PLEKHA5: variants seen among roughly 807,000 people sequenced by gnomAD.
PLEKHA5 encodes pleckstrin homology domain-containing family A member 5.
PLEKHA5 carries 55 observed loss-of-function variants against 181.9 expected under a neutral mutation model. The ratio of observed to expected loss-of-function variants is 0.30; its 90% CI spans 0.24 to 0.38. PLEKHA5 has a LOEUF of 0.38. PLEKHA5 is among the 10% of genes least tolerant of loss of function. PLEKHA5 has a pLI of 1.00. For missense variants in PLEKHA5, 1,432 were observed against 1,549.5 expected, an observed-to-expected ratio of 0.92 and a Z score of 1.27; for synonymous variants, 535 against 529.4, an observed-to-expected ratio of 1.01 and a Z score of -0.15.
At chr12:19,284,944 A>ATT (rs1251606367) in intron 12 of PLEKHA5, among the ~76,000 whole-genome samples, 1 of 152,172 alleles carries the variant, frequency 6.6e-6, no homozygotes, top group Non-Finnish European at 1.5e-5. Context: ...AAAAATAGTA[A>ATT]TAATAAGTTA....
At chr12:19,157,867 A>G (rs1255846335) in intron 3 of PLEKHA5, among the ~76,000 whole-genome samples, 1 of 152,210 alleles carries the variant, frequency 6.6e-6, no homozygotes, top group African/African-American at 2.4e-5. Context: ...ATTATTAAAA[A>G]TTCACCAGAT....
intron 3 of PLEKHA5, among the ~76,000 whole-genome samples, chr12:19,145,719 C>G (rs1398256095): frequency 6.6e-6 from 1 of 151,538 alleles, no homozygotes; most frequent in Non-Finnish European, 1.5e-5. Flanking sequence ...TGATAGTGAA[C>G]CAATTTAAAC....
chr12:19,309,677 G>T (rs1051270891), intron 15 of PLEKHA5, among the ~76,000 whole-genome samples: 24 of 151,954 alleles, frequency 1.6e-4, no homozygotes, highest in African/African-American at 5.8e-4. Flanking sequence ...CCCGGGAGGT[G>T]GAGGTTGCAG....
chr12:19,369,593 A>C, intron 30 of PLEKHA5, 100 bp from the exon 31 acceptor site: 1 of 645,360 alleles, frequency 1.5e-6, no homozygotes, highest in Non-Finnish European at 2.7e-6. Context: ...TTCCTTCTCA[A>C]AACATGTTCT....
chr12:19,164,227 C>G (rs1333089579), intron 3 of PLEKHA5, among the ~76,000 whole-genome samples: 1 of 117,598 alleles, frequency 8.5e-6, no homozygotes, highest in Non-Finnish European at 1.6e-5. Flanking sequence ...GAGATGGAGT[C>G]TCTCTCTGTT....
chr12:19,202,564 C>T (rs1296723590), intron 3 of PLEKHA5, among the ~76,000 whole-genome samples: 1 of 150,012 alleles, frequency 6.7e-6, no homozygotes, highest in African/African-American at 2.5e-5. Flanking sequence ...AATGGTTCTG[C>T]TATAACCCAA....
chr12:19,198,434 C>A (rs111315403), intron 3 of PLEKHA5, among the ~76,000 whole-genome samples: 2 of 152,282 alleles, frequency 1.3e-5, no homozygotes, highest in African/African-American at 4.8e-5. Flanking sequence ...TGTTGGCCCT[C>A]GGGGCTTTTC....
At chr12:19,266,199 G>T (rs917431904) in intron 8 of PLEKHA5, among the ~76,000 whole-genome samples, 1 of 152,040 alleles carries the variant, frequency 6.6e-6, no homozygotes, top group African/African-American at 2.4e-5. Context: ...TAAATTTGGG[G>T]TCTGGGCACA....
At position 19,317,276 on chromosome 12, in the gene PLEKHA5, AG is replaced by A. The variant is rs2089193723; in HGVS notation, c.2118+2383del. Among the ~76,000 whole-genome samples the A allele has an allele frequency of 2.0e-5, 3 of 152,148 alleles. No homozygotes were observed. The South Asian group carries it at 6.2e-4, about 32-fold the overall frequency. On this transcript the variant is annotated intron_variant, in intron 16 of 31. Coordinates refer to ENST00000429027, the MANE Select transcript of PLEKHA5 (RefSeq NM_001256470.2). Reference sequence around the variant, plus strand: ...TAGCTACTCAGGAGGCTGAGACAGGAGTCCGAAGCTGCAATGAACTGTGATT... The same window carrying A: ...TAGCTACTCAGGAGGCTGAGACAGGATCCGAAGCTGCAATGAACTGTGATT...
chr12:19,234,089 AT>A (rs2061030970), intron 3 of PLEKHA5, among the ~76,000 whole-genome samples: 1 of 152,210 alleles, frequency 6.6e-6, no homozygotes, highest in Non-Finnish European at 1.5e-5. Context: ...CCTTAAATGA[AT>A]AGTTTCTCTT....
intron 31 of PLEKHA5, 130 bp downstream of exon 31, chr12:19,369,928 G>A (rs1001519276): frequency 6.2e-5 from 28 of 451,476 alleles, no homozygotes; most frequent in Non-Finnish European, 9.8e-5. Context: ...GAACAAGTAG[G>A]CATATCTTGG....
At chr12:19,156,246 C>A (rs1294262042) in intron 3 of PLEKHA5, among the ~76,000 whole-genome samples, 2 of 148,702 alleles carry the variant, frequency 1.3e-5, no homozygotes, top group African/African-American at 5.0e-5. Flanking sequence ...AGTGAGCAAG[C>A]CAGTCATTTC....
chr12:19,182,915 CAAAG>C (rs2048938293), intron 3 of PLEKHA5, among the ~76,000 whole-genome samples: 1 of 152,122 alleles, frequency 6.6e-6, no homozygotes. Context: ...AGAAGAAAAT[CAAAG>C]AGAATAATGT....
At chr12:19,144,369 G>A (rs767542851) in intron 3 of PLEKHA5, among the ~76,000 whole-genome samples, 1 of 152,182 alleles carries the variant, frequency 6.6e-6, no homozygotes, top group African/African-American at 2.4e-5. Flanking sequence ...AAACACCAGC[G>A]TCTCTCCTCG....
intron 3 of PLEKHA5, among the ~76,000 whole-genome samples, chr12:19,234,097 T>C (rs978473994): frequency 6.6e-6 from 1 of 152,234 alleles, no homozygotes; most frequent in Admixed American, 6.5e-5. Flanking sequence ...GAATAGTTTC[T>C]CTTTAACAGG....
intron 3 of PLEKHA5, among the ~76,000 whole-genome samples, chr12:19,140,241 T>G (rs1224230235): frequency 1.3e-5 from 2 of 152,198 alleles, no homozygotes; most frequent in Admixed American, 1.3e-4. Flanking sequence ...ACATAAATCC[T>G]CTAAGCAAAA....
chr12:19,338,713 G>A (rs537849082), intron 21 of PLEKHA5, among the ~76,000 whole-genome samples: 1 of 151,612 alleles, frequency 6.6e-6, no homozygotes, highest in East Asian at 2.0e-4. Flanking sequence ...ATTGGACACT[G>A]AAGTTACACT....
At chr12:19,234,899 T>C (rs958460526) in intron 3 of PLEKHA5, among the ~76,000 whole-genome samples, 2 of 152,136 alleles carry the variant, frequency 1.3e-5, no homozygotes, top group Admixed American at 1.3e-4. Context: ...TAGGTTATGG[T>C]TTATGTTTTT....
chr12:19,336,833 G>A (rs1209497469), intron 21 of PLEKHA5, among the ~76,000 whole-genome samples: 1 of 152,018 alleles, frequency 6.6e-6, no homozygotes, highest in Non-Finnish European at 1.5e-5. Flanking sequence ...CACATGGTGA[G>A]CCCTGGAGTG....
Sources: gnomAD v4.1 joint callset for allele counts (sites outside exome capture counted in the v4.1 genomes callset) on GRCh38, gnomAD v4.1.1 for gene constraint, MANE v1.5 for transcripts, NCBI Gene and HGNC (gene_info 2026-07-23, HGNC 2026-07-21) for gene names.